Variants in EIF4E observed in about 807,000 individuals in gnomAD.
EIF4E encodes the protein eIF-4F 25 kDa subunit.
For missense variants in EIF4E, 113 were observed against 265.6 expected (o/e 0.43, Z 3.99); for synonymous variants, 71 against 88.5 (o/e 0.80, Z 1.11).
At chr4:98,896,696 A>T (rs908107395) in intron 2 of EIF4E, among the ~76,000 whole-genome samples, 8 of 129,682 alleles carry the variant, frequency 6.2e-5, no homozygotes, top group East Asian at 2.5e-4. Context: ...AAAAAAAAAA[A>T]GCCAGGCATG....
intron 1 of EIF4E, among the ~76,000 whole-genome samples, chr4:98,921,699 A>G (rs1725650267): frequency 6.6e-6 from 1 of 152,248 alleles, no homozygotes; most frequent in Non-Finnish European, 1.5e-5. Context: ...CAACTGTTTT[A>G]CCCTTTGCCA....
intron 2 of EIF4E, chr4:98,895,229 T>C (rs1362777178): frequency 2.6e-5 from 4 of 152,210 alleles, no homozygotes; most frequent in South Asian, 2.1e-4. Context: ...ATTGGAAACA[T>C]GGCATCAACA....
At position 98,884,952 on chromosome 4, in the gene EIF4E, C is replaced by T. The variant is rs1723853345; in HGVS notation, c.509G>A (p.Cys170Tyr). 6.2e-7 allele frequency: 1 copy of T among 1,613,360 alleles called. No individual in the cohort carries two copies. The highest frequency in any genetic ancestry group is 1.1e-5 in the South Asian group (1 of 91,026). The change falls in exon 6 of 7, where the codon TGT becomes TAT. Residue 170 changes from cysteine (C) to tyrosine (Y), a missense_variant. Cys to Tyr is a radical substitution (Grantham distance 194). Coordinates refer to ENST00000450253, the MANE Select transcript of EIF4E (RefSeq NM_001968.5). Reference protein sequence around the residue: ...GDKIAIWTTECENREAVTHIG... With the variant: ...GDKIAIWTTEYENREAVTHIG... ...ATGTGTAACAGCTTCTCTGTTTTCA[C>T]ATTCAGTAGTCCATATTGCTATCTT...
intron 2 of EIF4E, among the ~76,000 whole-genome samples, chr4:98,895,976 T>C (rs1312065240): frequency 8.2e-6 from 1 of 121,638 alleles, no homozygotes. Flanking sequence ...GGTGGGTGGA[T>C]CATGAGGTCA....
chr4:98,890,232 TTGTA>T (rs879013085), intron 3 of EIF4E, among the ~76,000 whole-genome samples: 5 of 152,166 alleles, frequency 3.3e-5, no homozygotes, highest in Admixed American at 2.6e-4. Flanking sequence ...ATCTATTTCT[TTGTA>T]TGAGCAGAAT....
At chr4:98,910,355 A>G (rs1229415836) in intron 1 of EIF4E, among the ~76,000 whole-genome samples, 1 of 152,232 alleles carries the variant, frequency 6.6e-6, no homozygotes, top group Non-Finnish European at 1.5e-5. Flanking sequence ...TCATATATCA[A>G]TCATGATTCA....
At chr4:98,902,966 G>A (rs900398281) in intron 1 of EIF4E, among the ~76,000 whole-genome samples, 2 of 152,112 alleles carry the variant, frequency 1.3e-5, no homozygotes, top group African/African-American at 4.8e-5. Context: ...CTAAAAGTTC[G>A]GCAACTTAAT....
chr4:98,882,875 T>C (rs1723757286), intron 6 of EIF4E, among the ~76,000 whole-genome samples: 1 of 152,092 alleles, frequency 6.6e-6, no homozygotes, highest in South Asian at 2.1e-4. Flanking sequence ...GTTTTGATGC[T>C]GGAAGAAACA....
At chr4:98,889,121 T>TGCA (rs568861369) in intron 3 of EIF4E, among the ~76,000 whole-genome samples, 168 of 151,266 alleles carry the variant, frequency 1.1e-3, no homozygotes, top group African/African-American at 3.9e-3. Flanking sequence ...ATCACCCCAT[T>TGCA]GCACTTCAGC....
chr4:98,924,077 G>GTT (rs201322206), intron 1 of EIF4E, among the ~76,000 whole-genome samples: 8 of 143,610 alleles, frequency 5.6e-5, no homozygotes, highest in Non-Finnish European at 9.3e-5. Flanking sequence ...AACTTCTTTT[G>GTT]TTTATTTTTT....
intron 2 of EIF4E, among the ~76,000 whole-genome samples, chr4:98,894,702 G>A (rs933829450): frequency 1.1e-4 from 17 of 152,180 alleles, no homozygotes; most frequent in Admixed American, 2.6e-4. Context: ...CAGCAATAAG[G>A]CTGTTTTGTT....
intron 2 of EIF4E, among the ~76,000 whole-genome samples, chr4:98,892,590 G>A (rs1338584302): frequency 1.5e-5 from 2 of 134,732 alleles, no homozygotes; most frequent in African/African-American, 2.5e-5. Context: ...GCTGAAGCAC[G>A]AGAATCACTT....
chr4:98,927,269 T>G (rs1725911538), intron 1 of EIF4E, among the ~76,000 whole-genome samples: 1 of 152,184 alleles, frequency 6.6e-6, no homozygotes, highest in African/African-American at 2.4e-5. Context: ...AGAAGCTGCC[T>G]TGAATTTTGA....
At chr4:98,890,994 G>C in intron 3 of EIF4E, 1 of 550,186 alleles carries the variant, frequency 1.8e-6, no homozygotes, top group Non-Finnish European at 3.2e-6. Context: ...GGCAATAATG[G>C]ATTCTTGAGC....
intron 2 of EIF4E, among the ~76,000 whole-genome samples, chr4:98,900,136 T>C (rs10032612): frequency 6.5e-4 from 99 of 152,036 alleles, no homozygotes; most frequent in African/African-American, 2.4e-3. Flanking sequence ...CTAGAAGATA[T>C]ACAGTTTGTT....
chr4:98,888,355 AAACGATG>A (rs1724009925), intron 3 of EIF4E, among the ~76,000 whole-genome samples: 1 of 152,182 alleles, frequency 6.6e-6, no homozygotes, highest in Non-Finnish European at 1.5e-5. Flanking sequence ...CAAAAACCAG[AAACGATG>A]AACTTCCTGA....
At chr4:98,927,711 GTAA>G (rs1410499717) in intron 1 of EIF4E, among the ~76,000 whole-genome samples, 1 of 141,534 alleles carries the variant, frequency 7.1e-6, no homozygotes, top group Admixed American at 7.1e-5. Flanking sequence ...AAGCAAACTG[GTAA>G]ACCATTAGCA....
intron 2 of EIF4E, among the ~76,000 whole-genome samples, chr4:98,894,786 C>G (rs988242198): frequency 2.0e-5 from 3 of 152,228 alleles, no homozygotes; most frequent in Non-Finnish European, 4.4e-5. Context: ...CTTTCACAAC[C>G]TGGCTAACTT....
chr4:98,928,814 C>G, intron 1 of EIF4E: 2 of 1,508,392 alleles, frequency 1.3e-6, no homozygotes, highest in South Asian at 2.6e-5. Flanking sequence ...CTACCCTCCA[C>G]CCTGTAGACA....
Sources: allele counts gnomAD v4.1 joint callset (sites outside exome capture counted in the v4.1 genomes callset), GRCh38; gene constraint gnomAD v4.1.1; transcripts MANE v1.5; gene names NCBI Gene and HGNC (gene_info 2026-07-23, HGNC 2026-07-21).